Variants in CDH7 observed in about 807,000 individuals in gnomAD.
CDH7 encodes the protein cadherin-7.
A neutral mutation model predicts 71.8 loss-of-function variants in CDH7; 25 were observed. That is an observed-to-expected ratio of 0.35 (90% CI 0.25 to 0.49). The LOEUF (loss-of-function observed/expected upper bound fraction) is 0.49. CDH7 is among the 20% of genes least tolerant of loss of function. The probability of loss-of-function intolerance (pLI) is 0.99; values close to 1 mark genes in which losing one functional copy is unlikely to be tolerated. For synonymous variants in CDH7, 381 were observed against 363.8 expected (o/e 1.05, Z -0.54); for missense variants, 862 against 974.6 (o/e 0.88, Z 1.54).
intron 2 of CDH7, among the ~76,000 whole-genome samples, chr18:65,786,745 G>A (rs541702672): frequency 2.0e-4 from 31 of 152,082 alleles, no homozygotes; most frequent in African/African-American, 7.0e-4. Context: ...GTGCAGTGGT[G>A]CAGTCATAGC....
intron 6 of CDH7, among the ~76,000 whole-genome samples, chr18:65,829,626 G>A (rs1912263177): frequency 6.6e-6 from 1 of 151,768 alleles, no homozygotes; most frequent in African/African-American, 2.4e-5. Context: ...ACCTCCCCCT[G>A]CCTGTTGACT....
At chr18:65,770,068 T>C (rs1342267803) in intron 2 of CDH7, among the ~76,000 whole-genome samples, 1 of 152,184 alleles carries the variant, frequency 6.6e-6, no homozygotes, top group African/African-American at 2.4e-5. Flanking sequence ...TTCAGTACAA[T>C]CTGTTGTCCA....
intron 10 of CDH7, 74 bp downstream of exon 10, chr18:65,859,899 A>G (rs552317961): frequency 1.2e-6 from 1 of 868,800 alleles, no homozygotes; most frequent in East Asian, 2.5e-5. Flanking sequence ...CTCCCCAGGA[A>G]TGCTGATTAT....
At position 65,843,901 on chromosome 18, in the gene CDH7, G is replaced by C; in HGVS notation, c.1071G>C (p.Pro357=). Residue 357 remains proline, a synonymous_variant, in exon 7 of 12, where the codon CCG becomes CCC. Coordinates refer to ENST00000397968, the MANE Select transcript of CDH7 (RefSeq NM_004361.5). ...ACCCTCGCTTTCTGAGCTTGGGTCC[G>C]TTCAGTGACACGACAACTGTGAAGA... The part of the protein sequence containing the change: ...DADPRFLSLG[P]FSDTTTVKII... 6.2e-7 allele frequency: 1 copy of C among 1,602,704 alleles called. No homozygotes were observed. Among genetic ancestry groups the C allele is most frequent in the Non-Finnish European group, 8.5e-7 (1 of 1,172,932 alleles).
chr18:65,841,533 T>A (rs113564684), intron 6 of CDH7, among the ~76,000 whole-genome samples: 4 of 152,306 alleles, frequency 2.6e-5, no homozygotes, highest in African/African-American at 9.6e-5. Context: ...TAGTTAGTAA[T>A]TTTTATAAAG....
intron 7 of CDH7, among the ~76,000 whole-genome samples, chr18:65,857,435 G>T (rs1233664847): frequency 6.6e-6 from 1 of 151,184 alleles, no homozygotes; most frequent in Non-Finnish European, 1.5e-5. Context: ...AATCCCTTAA[G>T]CCCAGGAGTT....
intron 6 of CDH7, among the ~76,000 whole-genome samples, chr18:65,836,760 T>C (rs868532465): frequency 4.1e-4 from 62 of 152,314 alleles, no homozygotes; most frequent in African/African-American, 1.4e-3. Flanking sequence ...TTTTGCTTAT[T>C]CTAAATTTGC....
rs1214123366 is a variant in CDH7, at chr18:65,820,347, A to G, written c.626-1734A>G. Among the ~76,000 whole-genome samples, 3 of 151,886 alleles carry G rather than the reference A, an allele frequency of 2.0e-5. No homozygotes were observed. The East Asian group carries it at 5.9e-4, about 30-fold the overall frequency. ...TTAAGCATGAAAGTCTCACGGAGTT[A>G]TAGGTATCCAATTGGTCAAGACTAG... is the stretch of plus-strand genomic sequence containing the variant. On this transcript the variant is annotated intron_variant, in intron 4 of 11. Transcript: ENST00000397968.
chr18:65,802,485 G>A (rs765721297), intron 2 of CDH7, among the ~76,000 whole-genome samples: 3 of 152,096 alleles, frequency 2.0e-5, no homozygotes, highest in Non-Finnish European at 4.4e-5. Context: ...GGTTATAGAC[G>A]TTTTCTGCTC....
chr18:65,869,950 T>C (rs1025601282), intron 11 of CDH7, among the ~76,000 whole-genome samples: 3 of 152,168 alleles, frequency 2.0e-5, no homozygotes, highest in African/African-American at 7.2e-5. Context: ...GACGCTATAT[T>C]TTTAGGACAT....
chr18:65,853,515 C>G (rs553770458), intron 7 of CDH7, among the ~76,000 whole-genome samples: 1 of 151,792 alleles, frequency 6.6e-6, no homozygotes, highest in Non-Finnish European at 1.5e-5. Flanking sequence ...TATACATTAG[C>G]TAATGCTTTA....
intron 1 of CDH7, among the ~76,000 whole-genome samples, chr18:65,760,050 A>G (rs1257884431): frequency 6.6e-6 from 1 of 152,220 alleles, no homozygotes; most frequent in Non-Finnish European, 1.5e-5. Flanking sequence ...TGTCTAAAAC[A>G]TTTGAATATA....
In CDH7 at chr18:65,880,459, C is replaced by A; in HGVS notation, c.1923C>A (p.Asp641Glu). ...RRRKKEPLIF[D>E]EERDIRENIV... ...GGAAAAAAGAGCCCCTTATTTTTGA[C>A]GAAGAAAGAGACATCAGAGAAAATA... Residue 641 changes from aspartate (D) to glutamate (E), a missense_variant, in exon 12 of 12, where the codon GAC becomes GAA. By Grantham distance (45) the Asp-to-Glu change is conservative. Coordinates refer to ENST00000397968, the MANE Select transcript of CDH7 (RefSeq NM_004361.5). 1 of 1,579,282 alleles carries A rather than the reference C, an allele frequency of 6.3e-7. No homozygotes were observed. Among genetic ancestry groups the A allele is most frequent in the Admixed American group, 2.0e-5 (1 of 51,208 alleles).
intron 6 of CDH7, among the ~76,000 whole-genome samples, chr18:65,841,767 C>T (rs978818455): frequency 1.3e-5 from 2 of 152,054 alleles, no homozygotes; most frequent in African/African-American, 4.8e-5. Flanking sequence ...TGTACCTCGT[C>T]CTGCACCTGC....
chr18:65,786,411 GC>G (rs150817763), intron 2 of CDH7, among the ~76,000 whole-genome samples: 1 of 151,732 alleles, frequency 6.6e-6, no homozygotes, highest in Non-Finnish European at 1.5e-5. Flanking sequence ...GCCCACAACC[GC>G]CCCCCCAGTT....
chr18:65,857,790 T>C, intron 7 of CDH7, 26 bp from the exon 8 acceptor site: 1 of 1,605,932 alleles, frequency 6.2e-7, no homozygotes, highest in Non-Finnish European at 8.5e-7. Flanking sequence ...TGTTGAAGGC[T>C]TTTCTTTTCT....
intron 1 of CDH7, among the ~76,000 whole-genome samples, chr18:65,759,924 A>G (rs1313163284): frequency 1.3e-5 from 2 of 152,208 alleles, no homozygotes; most frequent in Non-Finnish European, 2.9e-5. Flanking sequence ...AAAGAATTAT[A>G]CATATATATA....
At position 65,809,970 on chromosome 18, in the gene CDH7, G is replaced by T; in HGVS notation, c.477G>T (p.Thr159=). 6 of 1,611,528 alleles carry T rather than the reference G, an allele frequency of 3.7e-6. No homozygotes were observed. The highest frequency in any genetic ancestry group is 5.1e-6 in the Non-Finnish European group (6 of 1,177,902). The change falls in exon 3 of 12, where the codon ACG becomes ACT. Residue 159 remains threonine, a synonymous_variant. Coordinates refer to ENST00000397968, the MANE Select transcript of CDH7 (RefSeq NM_004361.5). ...NEPKFLDGPY[T]AGVPEMSPVG... is the part of the protein sequence containing the mutation. ...CCAAATTTTTGGATGGCCCATACAC[G>T]GCAGGAGTTCCCGAAATGTCTCCCG... is the stretch of plus-strand genomic sequence containing the variant.
rs758785817 is a variant in CDH7 at position 65,809,867 on chromosome 18, T to C, written c.374T>C (p.Leu125Pro). Residue 125 changes from leucine (L) to proline (P), a missense_variant, in exon 3 of 12, where the codon CTG becomes CCG. Transcript: ENST00000397968. Reference sequence around the variant, plus strand: ...TACTACACGCTCCGAGCTCAAGCGCTGGATAGGCTCACCAACAAACCCGTG... The same window carrying C: ...TACTACACGCTCCGAGCTCAAGCGCCGGATAGGCTCACCAACAAACCCGTG... ...QAYYTLRAQA[L>P]DRLTNKPVEP... 1 of 1,613,884 alleles carries C rather than the reference T, an allele frequency of 6.2e-7. No individual in the cohort carries two copies. The highest frequency in any genetic ancestry group is 1.7e-5 in the Admixed American group (1 of 59,958).
Sources: allele counts gnomAD v4.1 joint callset (sites outside exome capture counted in the v4.1 genomes callset), GRCh38; gene constraint gnomAD v4.1.1; transcripts MANE v1.5; gene names NCBI Gene and HGNC (gene_info 2026-07-23, HGNC 2026-07-21).